Variants in MGMT observed in about 807,000 individuals in gnomAD.
MGMT encodes O-6-methylguanine-DNA methyltransferase.
A neutral mutation model predicts 15.9 loss-of-function variants in MGMT; 14 were observed. The ratio of observed to expected loss-of-function variants is 0.88; its 90% CI spans 0.58 to 1.37. The LOEUF (loss-of-function observed/expected upper bound fraction) is 1.37. Ranked by LOEUF, MGMT falls within the 40% of genes most tolerant of loss-of-function variation. The probability of loss-of-function intolerance (pLI) is 0.00; values close to 1 mark genes in which losing one functional copy is unlikely to be tolerated. For synonymous variants in MGMT, 130 were observed against 118.2 expected, an observed-to-expected ratio of 1.10 and a Z score of -0.65; for missense variants, 282 against 268.1, an observed-to-expected ratio of 1.05 and a Z score of -0.36.
In MGMT at chr10:129,504,284, C is replaced by G. The variant is rs144556171; in HGVS notation, c.-12-31957C>G. On this transcript the variant is annotated intron_variant, in intron 1 of 4. Transcript: ENST00000651593. Reference sequence around the variant, plus strand: ...ACATTCATCATCTGGTCAACGTTGACATTGGTGATATAATTTTTCCAAAAT... The same window carrying G: ...ACATTCATCATCTGGTCAACGTTGAGATTGGTGATATAATTTTTCCAAAAT... Among the ~76,000 whole-genome samples, 743 of 152,298 alleles carry G rather than the reference C, an allele frequency of 4.9e-3. 8 individuals are homozygous for G. The highest frequency in any genetic ancestry group is 0.034 in the Admixed American group (517 of 15,302).
intron 3 of MGMT, among the ~76,000 whole-genome samples, chr10:129,733,243 T>C (rs1391757294): frequency 2.8e-5 from 4 of 145,074 alleles, no homozygotes; most frequent in African/African-American, 5.1e-5. Context: ...TTTTAATGAT[T>C]GCCATTCTAA....
At chr10:129,591,252 C>T (rs1846681355) in intron 2 of MGMT, among the ~76,000 whole-genome samples, 1 of 152,166 alleles carries the variant, frequency 6.6e-6, no homozygotes, top group Admixed American at 6.5e-5. Flanking sequence ...AAGTATGCTG[C>T]CTTGTGGAAT....
At chr10:129,740,149 G>A (rs894887760) in intron 3 of MGMT, among the ~76,000 whole-genome samples, 4 of 152,238 alleles carry the variant, frequency 2.6e-5, no homozygotes, top group South Asian at 2.1e-4. Context: ...GTTAGAAGTC[G>A]GGGTCCGGGA....
chr10:129,748,596 C>G (rs951630561), intron 3 of MGMT, among the ~76,000 whole-genome samples: 2 of 152,098 alleles, frequency 1.3e-5, no homozygotes, highest in Non-Finnish European at 2.9e-5. Flanking sequence ...TTGCTCCTTG[C>G]TATGGGGGTG....
chr10:129,611,101 T>G (rs1443109475), intron 2 of MGMT, among the ~76,000 whole-genome samples: 1 of 152,038 alleles, frequency 6.6e-6, no homozygotes, highest in Non-Finnish European at 1.5e-5. Flanking sequence ...TCCTAGGGAG[T>G]AGAGGAGGCC....
chr10:129,672,188 G>C (rs927197470), intron 2 of MGMT, among the ~76,000 whole-genome samples: 5 of 152,150 alleles, frequency 3.3e-5, no homozygotes, highest in Admixed American at 1.3e-4. Context: ...TGTTATAGGG[G>C]TCTAGGTTTC....
chr10:129,645,183 G>C (rs1360271257), intron 2 of MGMT, among the ~76,000 whole-genome samples: 3 of 143,412 alleles, frequency 2.1e-5, no homozygotes, highest in African/African-American at 7.9e-5. Flanking sequence ...GCAGTAGCAT[G>C]ATCTTGGCTC....
intron 2 of MGMT, among the ~76,000 whole-genome samples, chr10:129,618,199 A>G (rs548712147): frequency 6.6e-6 from 1 of 152,134 alleles, no homozygotes; most frequent in Non-Finnish European, 1.5e-5. Context: ...TTTAAAAAGG[A>G]TTTTCTTTTT....
intron 1 of MGMT, among the ~76,000 whole-genome samples, chr10:129,509,398 T>G (rs1845658536): frequency 6.6e-6 from 1 of 152,140 alleles, no homozygotes; most frequent in Non-Finnish European, 1.5e-5. Context: ...CTGTGTGCAT[T>G]AGTGTGGTTG....
chr10:129,617,280 A>G (rs1589895961), intron 2 of MGMT, among the ~76,000 whole-genome samples: 2 of 152,198 alleles, frequency 1.3e-5, no homozygotes, highest in African/African-American at 2.4e-5. Flanking sequence ...TTATGGCTGC[A>G]TAGTATTCTG....
intron 2 of MGMT, among the ~76,000 whole-genome samples, chr10:129,674,463 G>A (rs1164932608): frequency 1.3e-5 from 2 of 152,148 alleles, no homozygotes; most frequent in Non-Finnish European, 2.9e-5. Flanking sequence ...GACAGCTGTG[G>A]TTTGAGTGGA....
At chr10:129,735,398 G>T (rs1465754903) in intron 3 of MGMT, among the ~76,000 whole-genome samples, 5 of 152,162 alleles carry the variant, frequency 3.3e-5, no homozygotes, top group Non-Finnish European at 7.3e-5. Flanking sequence ...TGTGGGATTG[G>T]TGATGATATC....
intron 1 of MGMT, among the ~76,000 whole-genome samples, chr10:129,486,177 CTT>C (rs33985155): frequency 0.24 from 26,843 of 113,408 alleles, 2,877 homozygotes; most frequent in Non-Finnish European, 0.29. Flanking sequence ...CTTCTCTTCT[CTT>C]TTTTTTTTTT....
chr10:129,719,083 T>C (rs551040204), intron 3 of MGMT, among the ~76,000 whole-genome samples: 5 of 151,190 alleles, frequency 3.3e-5, no homozygotes, highest in Admixed American at 2.6e-4. Flanking sequence ...AGAGCCGATC[T>C]GTGTGCCCAT....
At chr10:129,708,554 A>C (rs992462949) in intron 3 of MGMT, among the ~76,000 whole-genome samples, 5 of 152,184 alleles carry the variant, frequency 3.3e-5, no homozygotes, top group Non-Finnish European at 5.9e-5. Context: ...TTAAGAGATG[A>C]CTTGAGAACT....
chr10:129,644,768 C>A (rs576708978), intron 2 of MGMT, among the ~76,000 whole-genome samples: 1 of 152,198 alleles, frequency 6.6e-6, no homozygotes, highest in East Asian at 1.9e-4. Context: ...GCTCCTGGAC[C>A]GTGGTTAGTG....
At chr10:129,656,936 G>A (rs995653948) in intron 2 of MGMT, among the ~76,000 whole-genome samples, 2 of 151,952 alleles carry the variant, frequency 1.3e-5, no homozygotes, top group African/African-American at 2.4e-5. Flanking sequence ...CCCAACTCTC[G>A]GGCTTCTTAA....
At chr10:129,705,958 G>A (rs1005892950) in intron 2 of MGMT, among the ~76,000 whole-genome samples, 2 of 152,212 alleles carry the variant, frequency 1.3e-5, no homozygotes, top group Non-Finnish European at 2.9e-5. Flanking sequence ...TGGGGTTGGA[G>A]CTGAGAGTCA....
At chr10:129,637,187 T>G (rs1351617890) in intron 2 of MGMT, among the ~76,000 whole-genome samples, 1 of 152,214 alleles carries the variant, frequency 6.6e-6, no homozygotes, top group East Asian at 1.9e-4. Flanking sequence ...AGAGTGTTTT[T>G]GTCATTCCCA....
Sources: allele counts gnomAD v4.1 joint callset (sites outside exome capture counted in the v4.1 genomes callset), GRCh38; gene constraint gnomAD v4.1.1; transcripts MANE v1.5; gene names NCBI Gene and HGNC (gene_info 2026-07-23, HGNC 2026-07-21).